RINL: variants seen among roughly 807,000 people sequenced by gnomAD.
RINL encodes the protein ras and Rab interactor-like protein.
Under a neutral mutation model 58.1 loss-of-function variants are expected in RINL, and 39 were observed. The ratio of observed to expected loss-of-function variants is 0.67; its 90% confidence interval spans 0.52 to 0.88. RINL has a LOEUF of 0.88. Among genes scored for constraint, RINL ranks in the 40% least tolerant of loss-of-function variants. The pLI is 0.00. For synonymous variants in RINL, 286 were observed against 323.1 expected (o/e 0.89, Z 1.23); for missense variants, 711 against 749.2 (o/e 0.95, Z 0.60).
rs1414966626 is a variant in RINL at position 38,875,695 on chromosome 19, A to AG, written c.210+635dup. ...TCTCAAAATTAAAAAAAAAAAGAAA[A>AG]GAAAACCTTTATTTTTCCTGTAAAA... On this transcript the variant is annotated intron_variant, in intron 3 of 11. Transcript: ENST00000591812. Among the ~76,000 whole-genome samples the AG allele has an allele frequency of 3.3e-5, 5 of 152,064 alleles. No individual in the cohort carries two copies. The East Asian group carries it at 9.7e-4, about 29-fold the overall frequency.
Position 38,870,810 on chromosome 19 carries a change from G to C in RINL, c.784C>G (p.His262Asp). Residue 262 changes from histidine (H) to aspartate (D), a missense_variant, in exon 8 of 12, where the codon CAC becomes GAC. Coordinates refer to ENST00000591812, the MANE Select transcript of RINL (RefSeq NM_001195833.2). The surrounding 1 kb of genome is among the most constrained non-coding windows in gnomAD (Gnocchi z 5.8). ...CGGGCCCTGACCAGAGACTGGACGT[G>C]AATGGTGAGCACGTCCTCAGGGCCT... ...EEGPEDVLTI[H>D]VQSLVRARSS... 1 of 1,611,560 alleles carries C rather than the reference G, an allele frequency of 6.2e-7. No individual in the cohort carries two copies. Among genetic ancestry groups the C allele is most frequent in the South Asian group, 1.1e-5 (1 of 91,082 alleles).
intron 3 of RINL, among the ~76,000 whole-genome samples, chr19:38,875,416 C>T (rs11673227): frequency 0.026 from 3,874 of 151,836 alleles, 71 homozygotes; most frequent in Middle Eastern, 0.048. Flanking sequence ...TGGTTCACAC[C>T]TGTAATCCCA....
rs1351317812 is a variant in RINL, at chr19:38,869,131, C to T, written c.1674G>A (p.Glu558=). The change falls in exon 12 of 12, where the codon GAG becomes GAA. Residue 558 remains glutamate (E), a synonymous_variant. Transcript: ENST00000591812. The surrounding 1 kb of genome is among the most constrained non-coding windows in gnomAD (Gnocchi z 5.7). ...NLPFKEPWAE[E]TVTGTSDN is the part of the protein sequence containing the mutation. ...AGTTGTCACTGGTCCCTGTCACAGT[C>T]TCTTCTGCCCATGGCTCCTTAAAGG... 4.3e-6 allele frequency: 7 copies of T among 1,610,872 alleles called. No homozygotes were observed. The highest frequency in any genetic ancestry group is 5.9e-6 in the Non-Finnish European group (7 of 1,177,824).
intron 2 of RINL, 25 bp downstream of exon 2, chr19:38,876,668 A>C: frequency 6.5e-7 from 1 of 1,527,694 alleles, no homozygotes; most frequent in Non-Finnish European, 8.8e-7. Flanking sequence ...GAAGGAGGGC[A>C]TAGCCTCAGC....
At chr19:38,871,418 A>AC (rs2144640979) in intron 6 of RINL, 191 bp from the exon 7 acceptor site, 3 of 696,432 alleles carry the variant, frequency 4.3e-6, no homozygotes, top group Non-Finnish European at 7.1e-6. Context: ...GGCGTCCGGG[A>AC]CCCCCAGTTC....
In RINL at chr19:38,870,783, TC is replaced by T. The variant is rs1388037268; in HGVS notation, c.810del (p.Ser271AlafsTer87). The part of the protein sequence containing the change: ...TIHVQSLVRA[R>X]SSYVARQYRS... Reference sequence around the variant, plus strand: ...CGGTACTGCCTGGCCACGTAGCTGCTCCGGGCCCTGACCAGAGACTGGACGT... The same window carrying T: ...CGGTACTGCCTGGCCACGTAGCTGCTCGGGCCCTGACCAGAGACTGGACGT... On this transcript the variant is annotated frameshift_variant, in exon 8 of 12. Transcript: ENST00000591812. LOFTEE classifies it high-confidence loss of function. The surrounding 1 kb of genome is among the most constrained non-coding windows in gnomAD (Gnocchi z 5.8). The T allele has an allele frequency of 6.2e-7, 1 of 1,612,648 alleles. No homozygotes were observed. The highest frequency in any genetic ancestry group is 1.3e-5 in the African/African-American group (1 of 74,912).
chr19:38,873,778 G>A, intron 4 of RINL, 108 bp downstream of exon 4: 2 of 667,880 alleles, frequency 3.0e-6, no homozygotes, highest in Non-Finnish European at 5.2e-6. Context: ...CACCCGCCTC[G>A]ACCTACCAAA....
chr19:38,877,519 C>T (rs1381018140), intron 1 of RINL, among the ~76,000 whole-genome samples: 3 of 152,132 alleles, frequency 2.0e-5, no homozygotes, highest in African/African-American at 7.2e-5. Context: ...TCTCTTCCCC[C>T]AGCATTTTAT....
At chr19:38,871,407 A>G in intron 6 of RINL, 180 bp from the exon 7 acceptor site, 1 of 721,756 alleles carries the variant, frequency 1.4e-6, no homozygotes. Context: ...ACTTAGGCCC[A>G]GGCGTCCGGG....
intron 4 of RINL, 140 bp downstream of exon 4, chr19:38,873,746 A>G (rs1972860436): frequency 1.8e-6 from 1 of 551,982 alleles, no homozygotes; most frequent in Non-Finnish European, 3.2e-6. Flanking sequence ...GGCTGGTCTC[A>G]AAATCCTGGC....
chr19:38,870,367 G>T lies in RINL; in HGVS notation c.1025-107C>A. 2 of 1,056,536 alleles carry T rather than the reference G, an allele frequency of 1.9e-6. No homozygotes were observed. The highest frequency in any genetic ancestry group is 2.6e-6 in the Non-Finnish European group (2 of 769,336). 65.4% of individuals were successfully genotyped at this position (1,056,536 alleles called of 1,614,324 possible). ...CCCACAGCCACCCCTGCCTAGCTCT[G>T]GTCCCCCGTGAGTGTAGACATGGTT... is the stretch of plus-strand genomic sequence containing the variant. On this transcript the variant is annotated intron_variant, in intron 8 of 11. Coordinates refer to ENST00000591812, the MANE Select transcript of RINL (RefSeq NM_001195833.2). The surrounding 1 kb of genome is among the most constrained non-coding windows in gnomAD (Gnocchi z 5.8).
chr19:38,870,476 C>G lies in RINL; in HGVS notation c.1024+94G>C. On this transcript the variant is annotated intron_variant, in intron 8 of 11. Coordinates refer to ENST00000591812, the MANE Select transcript of RINL (RefSeq NM_001195833.2). The surrounding 1 kb of genome is among the most constrained non-coding windows in gnomAD (Gnocchi z 5.8). ...GAACGCGTGGGATGTGTAGGAAGGG[C>G]GTGTGGGTGCAGAAGGAAACGTGTG... 1 of 1,370,166 alleles carries G rather than the reference C, an allele frequency of 7.3e-7. No individual in the cohort carries two copies. The highest frequency in any genetic ancestry group is 9.7e-7 in the Non-Finnish European group (1 of 1,028,742). The allele number at this position is 1,370,166 out of a possible 1,614,324, so 84.9% of individuals were successfully genotyped here. A position where few individuals can be genotyped will look rare whatever the true frequency, so the allele number is the denominator to read the frequency against.
At chr19:38,873,150 G>C (rs1258931156) in intron 4 of RINL, among the ~76,000 whole-genome samples, 1 of 152,172 alleles carries the variant, frequency 6.6e-6, no homozygotes, top group Non-Finnish European at 1.5e-5. Context: ...CAGAGGCCTG[G>C]AGGATGGAGA....
In RINL at chr19:38,869,558, G is replaced by C; in HGVS notation, c.1474+15C>G. On this transcript the variant is annotated intron_variant, in intron 10 of 11. Transcript: ENST00000591812. The surrounding 1 kb of genome is among the most constrained non-coding windows in gnomAD (Gnocchi z 5.7). The stretch of plus-strand genomic sequence containing the variant: ...TGGATCGCTGGGCTCCAGCATTCTG[G>C]AGTTGGGGGCTCACCCTCTCCCCGC... The C allele has an allele frequency of 1.2e-6, 2 of 1,613,206 alleles. No homozygotes were observed. Among genetic ancestry groups the C allele is most frequent in the Middle Eastern group, 1.7e-4 (1 of 5,832 alleles).
chr19:38,873,805 C>A, intron 4 of RINL, 81 bp downstream of exon 4: 1 of 855,002 alleles, frequency 1.2e-6, no homozygotes, highest in Admixed American at 2.1e-5. Flanking sequence ...GGATTACAGG[C>A]GTGAGCCACC....
At chr19:38,875,150 A>G in intron 3 of RINL, among the ~76,000 whole-genome samples, 1 of 151,602 alleles carries the variant, frequency 6.6e-6, no homozygotes, top group Non-Finnish European at 1.5e-5. Context: ...ATAATAATAA[A>G]AATAATAAAT....
rs1972733941 is a variant in RINL, at chr19:38,869,029, G to A, written c.*75C>T. ...TTGCCCAGGCTGGTCTCAAACTCCT[G>A]GGCTCAAGCAATCCTCCCACCTTGG... On this transcript the variant is annotated 3_prime_UTR_variant, in exon 12 of 12. Transcript: ENST00000591812. This position sits in a 1 kb window ranked among gnomAD's most constrained non-coding sequence, Gnocchi z 5.7. 3 of 1,361,280 alleles carry A rather than the reference G, an allele frequency of 2.2e-6. No individual in the cohort carries two copies. In the Admixed American group the frequency reaches 6.7e-5, roughly 30 times the overall value. 84.3% of individuals were successfully genotyped at this position (1,361,280 alleles called of 1,614,324 possible).
chr19:38,875,141 T>A (rs1045097671), intron 3 of RINL, among the ~76,000 whole-genome samples: 3 of 149,110 alleles, frequency 2.0e-5, no homozygotes, highest in Non-Finnish European at 4.5e-5. Flanking sequence ...TCTCAAAAAA[T>A]AATAATAAAA....
Position 38,876,359 on chromosome 19 carries a change from T to A in RINL, c.182A>T (p.Glu61Val). 1 of 1,536,114 alleles carries A rather than the reference T, an allele frequency of 6.5e-7. No individual in the cohort carries two copies. ...HVPELDTQDA[E>V]ALVGLWPLGS... ...TAGTGGCCACAGCCCCACAAGGGCC[T>A]CCGCATCCTGGGTATCCAGCTCTGG... The change falls in exon 3 of 12, where the codon GAG becomes GTG. Residue 61 changes from glutamate to valine, a missense_variant. Glu to Val is a moderately radical substitution (Grantham distance 121). Transcript: ENST00000591812.
Sources: gnomAD v4.1 joint callset for allele counts (sites outside exome capture counted in the v4.1 genomes callset) on GRCh38, gnomAD v4.1.1 for gene constraint, Gnocchi (gnomAD v3.1) non-coding constraint, MANE v1.5 for transcripts, NCBI Gene and HGNC (gene_info 2026-07-23, HGNC 2026-07-21) for gene names.